Variants in PAPPA observed in about 807,000 individuals in gnomAD.
PAPPA encodes pappalysin 1, also known as pappalysin-1.
In PAPPA, 60 loss-of-function variants were observed where a neutral mutation model predicts 164.0. That is an observed-to-expected ratio of 0.37 (90% confidence interval 0.30 to 0.45). PAPPA has a LOEUF of 0.45. Among genes scored for constraint, PAPPA ranks in the 20% least tolerant of loss-of-function variants. PAPPA has a pLI of 1.00. For missense variants in PAPPA, 1,782 were observed against 2,087.3 expected, an observed-to-expected ratio of 0.85 and a Z score of 2.85; for synonymous variants, 875 against 814.1, an observed-to-expected ratio of 1.07 and a Z score of -1.27.
At chr9:116,317,202 C>A (rs934545591) in intron 10 of PAPPA, among the ~76,000 whole-genome samples, 2 of 152,196 alleles carry the variant, frequency 1.3e-5, no homozygotes, top group Non-Finnish European at 2.9e-5. Flanking sequence ...AGTAAAAAAT[C>A]ATTCCTCTGA....
At chr9:116,203,309 C>T (rs1844192986) in intron 2 of PAPPA, among the ~76,000 whole-genome samples, 1 of 152,164 alleles carries the variant, frequency 6.6e-6, no homozygotes, top group African/African-American at 2.4e-5. Context: ...TGAGCTCTGG[C>T]CTTGCTCATC....
At chr9:116,224,678 G>T (rs1279434739) in intron 5 of PAPPA, among the ~76,000 whole-genome samples, 1 of 152,164 alleles carries the variant, frequency 6.6e-6, no homozygotes, top group East Asian at 1.9e-4. Context: ...GCCAACTGGG[G>T]CTTGAAATGT....
At position 116,377,276 on chromosome 9, in the gene PAPPA, C is replaced by T. The variant is rs3818338; in HGVS notation, c.4606-300C>T. Among the ~76,000 whole-genome samples, 1,821 of 152,164 alleles carry T rather than the reference C, an allele frequency of 0.012. 154 individuals are homozygous for T. In the South Asian group the frequency reaches 0.17, roughly 14 times the overall value. On this transcript the variant is annotated intron_variant, in intron 19 of 21. Transcript: ENST00000328252. ...CTCCACGAATGGGTCGAATATTAGT[C>T]GAGAATTTTCTGAAAGGCCTTTCTG...
At chr9:116,396,436 C>A in intron 21 of PAPPA, 73 bp from the exon 22 acceptor site, 1 of 769,326 alleles carries the variant, frequency 1.3e-6, no homozygotes, top group Non-Finnish European at 2.4e-6. Flanking sequence ...GTGATTGTAT[C>A]CCTGCGCTGC....
rs546703315 is a variant in PAPPA, at chr9:116,331,487, C to T, written c.3261+130C>T. 8.8e-4 allele frequency: 552 copies of T among 627,744 alleles called. 6 individuals are homozygous for T. The South Asian group carries it at 0.01, about 11-fold the overall frequency. 38.9% of individuals were successfully genotyped at this position (627,744 alleles called of 1,614,324 possible). On this transcript the variant is annotated intron_variant, in intron 11 of 21. Transcript: ENST00000328252. ...TTAATTGTAAGAACAGGGAACAAAA[C>T]ACTTAGCAGTGTGATGCTTCCTGAA... is the stretch of plus-strand genomic sequence containing the variant.
chr9:116,309,774 C>T (rs1400399883), intron 10 of PAPPA, among the ~76,000 whole-genome samples: 1 of 152,108 alleles, frequency 6.6e-6, no homozygotes, highest in Admixed American at 6.5e-5. Flanking sequence ...ATGCTTGGAA[C>T]TTGACATTAT....
chr9:116,309,779 CATT>C (rs1845692759), intron 10 of PAPPA, among the ~76,000 whole-genome samples: 1 of 152,106 alleles, frequency 6.6e-6, no homozygotes, highest in Non-Finnish European at 1.5e-5. Context: ...TGGAACTTGA[CATT>C]ATCCTGAGGG....
At chr9:116,255,384 T>G (rs1250671539) in intron 7 of PAPPA, among the ~76,000 whole-genome samples, 1 of 152,078 alleles carries the variant, frequency 6.6e-6, no homozygotes, top group Non-Finnish European at 1.5e-5. Flanking sequence ...TTAGAAATAG[T>G]ATGGAAAATT....
chr9:116,300,805 A>T (rs546345052), intron 9 of PAPPA, among the ~76,000 whole-genome samples: 47 of 152,030 alleles, frequency 3.1e-4, no homozygotes, highest in Non-Finnish European at 6.6e-4. Flanking sequence ...TCACAAGCTG[A>T]TTTAATTCCT....
At chr9:116,336,739 A>G (rs774176011) in intron 13 of PAPPA, among the ~76,000 whole-genome samples, 3 of 152,220 alleles carry the variant, frequency 2.0e-5, no homozygotes, top group Non-Finnish European at 4.4e-5. Flanking sequence ...ATGCTGCCCT[A>G]TATCTGACTA....
intron 2 of PAPPA, among the ~76,000 whole-genome samples, chr9:116,200,522 C>T (rs138297995): frequency 3.5e-4 from 53 of 152,228 alleles, no homozygotes; most frequent in African/African-American, 1.2e-3. Context: ...GTTGGGGATA[C>T]TCTAGGGCTT....
chr9:116,331,252 A>G lies in PAPPA; in HGVS notation c.3156A>G (p.Arg1052=). Residue 1052 remains arginine (R), a synonymous_variant, in exon 11 of 22, where the codon CGA becomes CGG. Coordinates refer to ENST00000328252, the MANE Select transcript of PAPPA (RefSeq NM_002581.5). Reference sequence around the variant, plus strand: ...TCTTTATATTTTTCCAGGTGTGTCGAACCAAGGTGATAGATCTCAGTGAAG... The same window carrying G: ...TCTTTATATTTTTCCAGGTGTGTCGGACCAAGGTGATAGATCTCAGTGAAG... ...IGQPAASQVC[R]TKVIDLSEGI... 1 of 1,600,114 alleles carries G rather than the reference A, an allele frequency of 6.2e-7. No homozygotes were observed. The highest frequency in any genetic ancestry group is 1.7e-5 in the Admixed American group (1 of 59,968).
Position 116,332,447 on chromosome 9 carries a change from A to C in PAPPA, c.3376A>C (p.Lys1126Gln). The C allele has an allele frequency of 1.2e-6, 2 of 1,613,606 alleles. No individual in the cohort carries two copies. Among genetic ancestry groups the C allele is most frequent in the Non-Finnish European group, 1.7e-6 (2 of 1,179,540 alleles). The change falls in exon 12 of 22, where the codon AAA (lysine) becomes CAA (glutamine). Residue 1126 changes from lysine to glutamine, a missense_variant. Transcript: ENST00000328252. ...ETISVQLLDT[K>Q]DQSHDLGLHV... The stretch of plus-strand genomic sequence containing the variant: ...CATCAGCGTGCAGCTGCTTGATACC[A>C]AAGATCAGAGCCACGATCTAGGTAA...
intron 6 of PAPPA, among the ~76,000 whole-genome samples, chr9:116,231,158 A>G (rs1844587147): frequency 6.6e-6 from 1 of 152,186 alleles, no homozygotes; most frequent in Non-Finnish European, 1.5e-5. Context: ...GTATAAATAT[A>G]TGTCTATACA....
intron 2 of PAPPA, among the ~76,000 whole-genome samples, chr9:116,196,923 C>G (rs934776952): frequency 6.6e-6 from 1 of 152,164 alleles, no homozygotes; most frequent in East Asian, 1.9e-4. Context: ...AACTACTGAA[C>G]TATTTTTATG....
In PAPPA at chr9:116,400,265, G is replaced by C. The variant is rs1443635057; in HGVS notation, c.*3649G>C. ...CCTAAAGGAAATTGTTTATTCTACA[G>C]CCTCAGTAGGTAGACACAAACATAA... On this transcript the variant is annotated 3_prime_UTR_variant, in exon 22 of 22. Transcript: ENST00000328252. 6.6e-6 allele frequency: 1 copy of C among 152,172 alleles called. No individual in the cohort carries two copies. The highest frequency in any genetic ancestry group is 2.4e-5 in the African/African-American group (1 of 41,436). The allele number at this position is 152,172 out of a possible 1,614,324, so 9.4% of individuals were successfully genotyped here.
chr9:116,266,094 T>G, intron 8 of PAPPA, 109 bp downstream of exon 8: 1 of 955,572 alleles, frequency 1.0e-6, no homozygotes, highest in Non-Finnish European at 1.5e-6. Context: ...GCATGAGCTG[T>G]GAGCTACTAG....
In PAPPA at chr9:116,187,048, A is replaced by G. The variant is rs1427928713; in HGVS notation, c.416-106A>G. The G allele has an allele frequency of 3.7e-6, 3 of 803,124 alleles. No homozygotes were observed. Among genetic ancestry groups the G allele is most frequent in the Non-Finnish European group, 2.0e-6 (1 of 511,798 alleles). 49.7% of individuals were successfully genotyped at this position (803,124 alleles called of 1,614,324 possible). A position where few individuals can be genotyped will look rare whatever the true frequency, so the allele number is the denominator to read the frequency against. ...GATCCCACAGAGCAGTTGGAAAGCGATGAGTCTAGGATAACCTGATACAAA... is the reference window on the plus strand; with the variant it reads ...GATCCCACAGAGCAGTTGGAAAGCGGTGAGTCTAGGATAACCTGATACAAA... On this transcript the variant is annotated intron_variant, in intron 1 of 21. Transcript: ENST00000328252. This position sits in a 1 kb window ranked among gnomAD's most constrained non-coding sequence, Gnocchi z 4.2.
chr9:116,268,187 TAGAA>T (rs1845094186), intron 8 of PAPPA, among the ~76,000 whole-genome samples: 1 of 152,204 alleles, frequency 6.6e-6, no homozygotes. Flanking sequence ...AAGCACAGAA[TAGAA>T]AGCTCCTCAC....
Sources: allele counts gnomAD v4.1 joint callset (sites outside exome capture counted in the v4.1 genomes callset), GRCh38; gene constraint gnomAD v4.1.1; non-coding constraint Gnocchi (gnomAD v3.1); transcripts MANE v1.5; gene names NCBI Gene and HGNC (gene_info 2026-07-23, HGNC 2026-07-21).